NKAIN2: variants seen among roughly 807,000 people sequenced by gnomAD.
NKAIN2 encodes sodium/potassium-transporting ATPase subunit beta-1-interacting protein 2.
In NKAIN2, 14 loss-of-function variants were observed where a neutral mutation model predicts 32.6. The observed-to-expected ratio is 0.43, with a 90% confidence interval of 0.28 to 0.67. The LOEUF is 0.67. Ranked by LOEUF, NKAIN2 falls within the 30% of genes least tolerant of loss-of-function variation. The pLI, the probability that NKAIN2 is intolerant of heterozygous loss-of-function variation, is 0.17. For missense variants in NKAIN2, 198 were observed against 258.3 expected (o/e 0.77, Z 1.60); for synonymous variants, 80 against 87.2 (o/e 0.92, Z 0.46).
rs9401728 is a variant in NKAIN2, at chr6:124,322,326, G to A, written c.193-32941G>A. 3.1e-3 allele frequency among the ~76,000 whole-genome samples: 468 copies of A among 152,184 alleles called. 11 individuals are homozygous for A. The East Asian group carries it at 0.067, about 22-fold the overall frequency. On this transcript the variant is annotated intron_variant, in intron 2 of 6. Coordinates refer to ENST00000368417, the MANE Select transcript of NKAIN2 (RefSeq NM_001040214.3). ...TTTTTTTCAAATAATTAGATTTATA[G>A]GAAGTTGAAGAACTAGTCCAAAGAT... is the stretch of plus-strand genomic sequence containing the variant.
intron 3 of NKAIN2, among the ~76,000 whole-genome samples, chr6:124,521,289 C>G (rs1779111164): frequency 6.6e-6 from 1 of 152,106 alleles, no homozygotes; most frequent in Non-Finnish European, 1.5e-5. Context: ...TTCTATACAT[C>G]TTTTATTAAG....
At chr6:124,497,824 T>TAAAAAA (rs33913104) in intron 3 of NKAIN2, among the ~76,000 whole-genome samples, 10 of 105,708 alleles carry the variant, frequency 9.5e-5, no homozygotes, top group Admixed American at 9.9e-5. Flanking sequence ...GAGTAAGGGG[T>TAAAAAA]AAAAAAAAAA....
chr6:124,069,966 A>G (rs965026941), intron 1 of NKAIN2, among the ~76,000 whole-genome samples: 14 of 152,174 alleles, frequency 9.2e-5, no homozygotes, highest in African/African-American at 2.9e-4. Flanking sequence ...TGTCAATTCT[A>G]TGGTACAAAT....
At chr6:124,172,172 G>A (rs1396222267) in intron 1 of NKAIN2, among the ~76,000 whole-genome samples, 1 of 152,086 alleles carries the variant, frequency 6.6e-6, no homozygotes, top group East Asian at 1.9e-4. Context: ...AAACAGATTT[G>A]AATATTTTAA....
chr6:124,514,141 TG>T (rs1778818493), intron 3 of NKAIN2, among the ~76,000 whole-genome samples: 1 of 152,202 alleles, frequency 6.6e-6, no homozygotes, highest in South Asian at 2.1e-4. Context: ...AAAACTGGCA[TG>T]GGAGATGATT....
chr6:124,530,966 G>T (rs1779504779), intron 3 of NKAIN2, among the ~76,000 whole-genome samples: 1 of 152,176 alleles, frequency 6.6e-6, no homozygotes, highest in Non-Finnish European at 1.5e-5. Context: ...GGTACAGGCA[G>T]ATTTTCTTTA....
At chr6:124,169,828 T>C (rs541149171) in intron 1 of NKAIN2, among the ~76,000 whole-genome samples, 1 of 152,258 alleles carries the variant, frequency 6.6e-6, no homozygotes, top group South Asian at 2.1e-4. Context: ...GGAACGGACT[T>C]TCACCCCAGA....
At chr6:124,164,164 C>G (rs902421252) in intron 1 of NKAIN2, among the ~76,000 whole-genome samples, 1 of 152,024 alleles carries the variant, frequency 6.6e-6, no homozygotes, top group Non-Finnish European at 1.5e-5. Context: ...TATTTTGGTA[C>G]ATTTATTTAA....
chr6:124,108,118 A>G (rs189482038), intron 1 of NKAIN2, among the ~76,000 whole-genome samples: 2 of 152,246 alleles, frequency 1.3e-5, no homozygotes, highest in Admixed American at 6.5e-5. Flanking sequence ...TAGAAGATGC[A>G]CTGTTTTACA....
At chr6:123,862,897 G>T (rs1775841293) in intron 1 of NKAIN2, among the ~76,000 whole-genome samples, 1 of 152,108 alleles carries the variant, frequency 6.6e-6, no homozygotes, top group South Asian at 2.1e-4. Flanking sequence ...TCTTTGTTGG[G>T]TAAAGATTTA....
At chr6:124,064,585 G>A (rs1324455575) in intron 1 of NKAIN2, among the ~76,000 whole-genome samples, 1 of 151,976 alleles carries the variant, frequency 6.6e-6, no homozygotes, top group Non-Finnish European at 1.5e-5. Flanking sequence ...ACGGTAAACT[G>A]AAAGATGTCC....
At chr6:124,768,917 G>A (rs546567202) in intron 4 of NKAIN2, among the ~76,000 whole-genome samples, 3 of 152,212 alleles carry the variant, frequency 2.0e-5, no homozygotes, top group African/African-American at 7.2e-5. Context: ...TTACAAAGCT[G>A]TTTTGGGTCA....
intron 2 of NKAIN2, among the ~76,000 whole-genome samples, chr6:124,286,872 C>T (rs958216015): frequency 6.6e-6 from 1 of 151,830 alleles, no homozygotes; most frequent in African/African-American, 2.4e-5. Flanking sequence ...TCAGTAGAGA[C>T]GAGGTTTCAC....
At chr6:124,109,467 A>G (rs996826401) in intron 1 of NKAIN2, among the ~76,000 whole-genome samples, 6 of 152,010 alleles carry the variant, frequency 3.9e-5, no homozygotes, top group African/African-American at 1.2e-4. Flanking sequence ...GTTGTCTAAG[A>G]TCATTTGTCT....
intron 3 of NKAIN2, among the ~76,000 whole-genome samples, chr6:124,606,170 C>A (rs983984715): frequency 1.3e-5 from 2 of 151,972 alleles, no homozygotes; most frequent in Admixed American, 6.6e-5. Context: ...TACCTCTCCT[C>A]ACCTCTCACA....
chr6:124,768,648 A>G (rs966052760), intron 4 of NKAIN2, among the ~76,000 whole-genome samples: 1 of 152,182 alleles, frequency 6.6e-6, no homozygotes, highest in Admixed American at 6.6e-5. Context: ...ACATACTCTC[A>G]AACATTTCCT....
chr6:124,322,798 T>C (rs1338612981), intron 2 of NKAIN2, among the ~76,000 whole-genome samples: 2 of 152,202 alleles, frequency 1.3e-5, no homozygotes, highest in African/African-American at 4.8e-5. Flanking sequence ...TGGCATATCA[T>C]ATGGTCAGTA....
At chr6:124,551,952 C>T (rs1780302781) in intron 3 of NKAIN2, among the ~76,000 whole-genome samples, 5 of 152,096 alleles carry the variant, frequency 3.3e-5, no homozygotes, top group Admixed American at 2.6e-4. Context: ...TTAGTAATTA[C>T]TCAGTGGTTA....
chr6:123,863,200 G>C (rs1775854514), intron 1 of NKAIN2, among the ~76,000 whole-genome samples: 1 of 152,202 alleles, frequency 6.6e-6, no homozygotes, highest in Non-Finnish European at 1.5e-5. Context: ...TAGGATAGAA[G>C]TAGATATTAA....
Sources: gnomAD v4.1 joint callset for allele counts (sites outside exome capture counted in the v4.1 genomes callset) on GRCh38, gnomAD v4.1.1 for gene constraint, MANE v1.5 for transcripts, NCBI Gene and HGNC (gene_info 2026-07-23, HGNC 2026-07-21) for gene names.